The following SLC38A12 variants were observed in gnomAD, a reference collection of about 807,000 sequenced individuals.
SLC38A12 encodes solute carrier family 38 member 12.
At chr17:74,797,943 G>A in the SLC38A12 span, among the ~76,000 whole-genome samples, 3 of 152,158 alleles carry the variant, frequency 2.0e-5, no homozygotes, top group Non-Finnish European at 4.4e-5. Flanking sequence ...GTCCTTCCCC[G>A]CTGCCCCCTG....
At chr17:74,803,191 T>C in the SLC38A12 span, among the ~76,000 whole-genome samples, 1 of 152,214 alleles carries the variant, frequency 6.6e-6, no homozygotes, top group East Asian at 1.9e-4. Context: ...TCTGTGAAAA[T>C]TAAGCATTTG....
the SLC38A12 span, chr17:74,836,688 T>C: frequency 7.5e-6 from 12 of 1,590,354 alleles, no homozygotes; most frequent in African/African-American, 1.5e-4. The surrounding 1 kb of genome is among the most constrained non-coding windows in gnomAD (Gnocchi z 4.2). Context: ...CAAGCTCTGA[T>C]GGCAGGACAG....
the SLC38A12 span, among the ~76,000 whole-genome samples, chr17:74,833,967 C>T: frequency 7.0e-3 from 1,065 of 152,276 alleles, 20 homozygotes; most frequent in African/African-American, 0.024. Flanking sequence ...CCCACCCCAT[C>T]CTGCTCAGCT....
the SLC38A12 span, chr17:74,785,531 C>G: frequency 6.2e-7 from 1 of 1,614,206 alleles, no homozygotes; most frequent in Non-Finnish European, 8.5e-7. Context: ...GGCGCACTCA[C>G]CATGCCCAAG....
chr17:74,825,907 G>A, the SLC38A12 span, among the ~76,000 whole-genome samples: 3 of 152,132 alleles, frequency 2.0e-5, no homozygotes, highest in African/African-American at 4.8e-5. Context: ...CCAGAGTTAC[G>A]TTCAGACCCA....
the SLC38A12 span, among the ~76,000 whole-genome samples, chr17:74,833,221 G>T: frequency 6.6e-6 from 1 of 152,204 alleles, no homozygotes; most frequent in African/African-American, 2.4e-5. Context: ...TCACCATGTT[G>T]CCAGGCTGGT....
the SLC38A12 span, among the ~76,000 whole-genome samples, chr17:74,811,317 G>A: frequency 5.9e-5 from 9 of 151,998 alleles, no homozygotes; most frequent in East Asian, 3.9e-4. Context: ...GCAACAGAGC[G>A]AGACCTTGTC....
chr17:74,806,901 C>T, the SLC38A12 span, among the ~76,000 whole-genome samples: 1 of 152,226 alleles, frequency 6.6e-6, no homozygotes, highest in Non-Finnish European at 1.5e-5. Flanking sequence ...ACAGCCCCCT[C>T]CCTGGTGTGC....
chr17:74,815,084 G>C, the SLC38A12 span, among the ~76,000 whole-genome samples: 1 of 152,126 alleles, frequency 6.6e-6, no homozygotes, highest in Non-Finnish European at 1.5e-5. Flanking sequence ...CAGAGAGGGG[G>C]ACCTTCTCCC....
At chr17:74,836,710 G>A in the SLC38A12 span, 1 of 1,565,936 alleles carries the variant, frequency 6.4e-7, no homozygotes, top group Non-Finnish European at 8.7e-7. This position sits in a 1 kb window ranked among gnomAD's most constrained non-coding sequence, Gnocchi z 4.2. Flanking sequence ...CAGGTCTAGT[G>A]ACAGGAGGCA....
the SLC38A12 span, chr17:74,777,234 G>A: frequency 7.1e-7 from 1 of 1,417,068 alleles, no homozygotes; most frequent in African/African-American, 1.4e-5. Flanking sequence ...CAGTCCATCA[G>A]ATAGGTGAAG....
At chr17:74,820,535 G>A in the SLC38A12 span, among the ~76,000 whole-genome samples, 1 of 152,256 alleles carries the variant, frequency 6.6e-6, no homozygotes, top group South Asian at 2.1e-4. Flanking sequence ...CTGGACGGAG[G>A]ACAGGAGCGG....
chr17:74,824,332 G>C, the SLC38A12 span, among the ~76,000 whole-genome samples: 4 of 152,186 alleles, frequency 2.6e-5, no homozygotes, highest in African/African-American at 9.7e-5. Context: ...GCCAGCCACA[G>C]GTAGACCAGG....
chr17:74,790,956 A>G, the SLC38A12 span: 2 of 1,613,928 alleles, frequency 1.2e-6, no homozygotes, highest in African/African-American at 2.7e-5. Flanking sequence ...GGCTCTGCAG[A>G]GAGACGTGGA....
the SLC38A12 span, among the ~76,000 whole-genome samples, chr17:74,786,883 G>A: frequency 1.3e-5 from 2 of 152,142 alleles, no homozygotes; most frequent in Non-Finnish European, 2.9e-5. Context: ...AGGACCTTCA[G>A]CACAGGCAGC....
At chr17:74,839,384 G>C in the SLC38A12 span, 1 of 419,878 alleles carries the variant, frequency 2.4e-6, no homozygotes, top group Non-Finnish European at 4.3e-6. Context: ...GCAGTGGCTG[G>C]CAGTGCCAGG....
At chr17:74,794,956 A>G in the SLC38A12 span, 3 of 1,463,418 alleles carry the variant, frequency 2.0e-6, no homozygotes, top group Non-Finnish European at 2.8e-6. Context: ...AGAAAAAAAA[A>G]AAAACATGCA....
the SLC38A12 span, chr17:74,795,587 G>T: frequency 6.2e-7 from 1 of 1,614,058 alleles, no homozygotes; most frequent in East Asian, 2.2e-5. Flanking sequence ...ACACTGACCG[G>T]TGCTGGGGGC....
chr17:74,792,560 C>G, the SLC38A12 span, among the ~76,000 whole-genome samples: 1 of 152,264 alleles, frequency 6.6e-6, no homozygotes, highest in African/African-American at 2.4e-5. Context: ...CCCCTTGCAA[C>G]TGTCTTCGAA....
Sources: allele counts gnomAD v4.1 joint callset (sites outside exome capture counted in the v4.1 genomes callset), GRCh38; gene constraint gnomAD v4.1.1; non-coding constraint Gnocchi (gnomAD v3.1); transcripts MANE v1.5; gene names NCBI Gene and HGNC (gene_info 2026-07-23, HGNC 2026-07-21).